ADGRV1: variants seen among roughly 807,000 people sequenced by gnomAD.
The protein encoded by ADGRV1 is adhesion G protein-coupled receptor V1.
A neutral mutation model predicts 596.2 loss-of-function variants in ADGRV1; 359 were observed. That is an observed-to-expected ratio of 0.60 (90% CI 0.55 to 0.66). The LOEUF is 0.66. Among genes scored for constraint, ADGRV1 ranks in the 30% least tolerant of loss-of-function variants. The probability of loss-of-function intolerance (pLI) is 0.00; values close to 1 mark genes in which losing one functional copy is unlikely to be tolerated. For synonymous variants in ADGRV1, 2,681 were observed against 2,679.2 expected, an observed-to-expected ratio of 1.00 and a Z score of -0.02; for missense variants, 7,274 against 7,575.6, an observed-to-expected ratio of 0.96 and a Z score of 1.48.
chr5:91,059,660 C>G (rs1787222238), intron 85 of ADGRV1, among the ~76,000 whole-genome samples: 1 of 152,170 alleles, frequency 6.6e-6, no homozygotes, highest in Non-Finnish European at 1.5e-5. Flanking sequence ...TCATTTCCCC[C>G]TCAATATTGG....
intron 50 of ADGRV1, among the ~76,000 whole-genome samples, chr5:90,742,738 G>T (rs1033875893): frequency 3.0e-4 from 46 of 152,196 alleles, no homozygotes; most frequent in African/African-American, 1.0e-3. Context: ...GTTGAAAGAT[G>T]AAGCTTGGAA....
In ADGRV1 at chr5:90,653,838, A is replaced by C; in HGVS notation, c.4264A>C (p.Ser1422Arg). 6.2e-7 allele frequency: 1 copy of C among 1,612,654 alleles called. No individual in the cohort carries two copies. Among genetic ancestry groups the C allele is most frequent in the Non-Finnish European group, 8.5e-7 (1 of 1,179,300 alleles). Reference protein sequence around the residue: ...KTTVMKYLEESVWLHLLIILE... With the variant: ...KTTVMKYLEERVWLHLLIILE... ...AACAGTCATGAAATATTTAGAAGAA[A>C]GTGTTTGGCTTCATCTACTAATTAT... Residue 1422 changes from serine (S) to arginine (R), a missense_variant, in exon 20 of 90, where the codon AGT becomes CGT. By Grantham distance (110) the Ser-to-Arg change is moderately radical. Coordinates refer to ENST00000405460, the MANE Select transcript of ADGRV1 (RefSeq NM_032119.4).
At chr5:90,704,601 T>G in intron 36 of ADGRV1, 113 bp downstream of exon 36, 1 of 616,412 alleles carries the variant, frequency 1.6e-6, no homozygotes. Flanking sequence ...AAATGTTACT[T>G]TATTATGTGT....
chr5:91,084,523 A>T (rs1385513615), intron 86 of ADGRV1, among the ~76,000 whole-genome samples: 1 of 152,264 alleles, frequency 6.6e-6, no homozygotes, highest in South Asian at 2.1e-4. Context: ...TCAAAACCAC[A>T]GTGAAATACC....
At chr5:90,923,932 C>T (rs539973160) in intron 83 of ADGRV1, among the ~76,000 whole-genome samples, 11 of 152,072 alleles carry the variant, frequency 7.2e-5, no homozygotes, top group Non-Finnish European at 1.3e-4. Flanking sequence ...TTTCCAATTT[C>T]ATCCATGTCC....
At chr5:90,619,844 A>G (rs1414547086) in intron 4 of ADGRV1, among the ~76,000 whole-genome samples, 1 of 149,312 alleles carries the variant, frequency 6.7e-6, no homozygotes, top group Non-Finnish European at 1.5e-5. Flanking sequence ...GAGTGAGAAC[A>G]TGCGGTGTTT....
intron 1 of ADGRV1, among the ~76,000 whole-genome samples, chr5:90,585,328 T>C (rs926103665): frequency 5.3e-5 from 8 of 152,228 alleles, no homozygotes; most frequent in African/African-American, 1.9e-4. Flanking sequence ...CCCCTGTCCC[T>C]CTGCCCCTCA....
intron 87 of ADGRV1, among the ~76,000 whole-genome samples, chr5:91,127,113 T>C (rs1055705445): frequency 6.6e-6 from 1 of 152,182 alleles, no homozygotes; most frequent in African/African-American, 2.4e-5. Context: ...AGACTCTTTG[T>C]AATCTGCCTT....
chr5:90,621,038 G>A (rs954856202), intron 4 of ADGRV1, among the ~76,000 whole-genome samples: 36 of 152,106 alleles, frequency 2.4e-4, no homozygotes, highest in African/African-American at 8.5e-4. Flanking sequence ...TGATCAGAGA[G>A]TTTTATCTTT....
intron 52 of ADGRV1, among the ~76,000 whole-genome samples, chr5:90,748,489 G>A (rs921176321): frequency 8.6e-5 from 13 of 151,934 alleles, no homozygotes; most frequent in South Asian, 2.1e-4. Flanking sequence ...ATTTTAGTGC[G>A]CATTTTACAC....
At chr5:91,061,200 G>T (rs190828707) in intron 85 of ADGRV1, among the ~76,000 whole-genome samples, 178 of 152,298 alleles carry the variant, frequency 1.2e-3, no homozygotes, top group African/African-American at 4.0e-3. Context: ...TTTTATGAGA[G>T]AACATAGAGC....
At chr5:90,708,369 G>T (rs913912914) in intron 38 of ADGRV1, among the ~76,000 whole-genome samples, 1 of 151,254 alleles carries the variant, frequency 6.6e-6, no homozygotes, top group African/African-American at 2.4e-5. Flanking sequence ...AGAATTGGGA[G>T]TTCTAAAATT....
At position 90,721,557 on chromosome 5, in the gene ADGRV1, AAAAT is replaced by A. The variant is rs1473837039; in HGVS notation, c.9748+502_9748+505del. Among the ~76,000 whole-genome samples the A allele has an allele frequency of 7.5e-3, 163 of 21,868 alleles. 14 individuals carry two copies. In the East Asian group the frequency reaches 0.48, roughly 64 times the overall value. 14.3% of individuals were successfully genotyped at this position (21,868 alleles called of 152,430 possible). ...AAAATAAAATAAAATAAAATAAAAT[AAAAT>A]AAAATAAAATAAAATAAAATAAAAT... On this transcript the variant is annotated intron_variant, in intron 45 of 89. Transcript: ENST00000405460.
intron 70 of ADGRV1, among the ~76,000 whole-genome samples, chr5:90,794,901 C>T (rs1001638375): frequency 2.0e-5 from 3 of 151,066 alleles, no homozygotes; most frequent in East Asian, 4.3e-4. Flanking sequence ...TGCCCCTACC[C>T]AAGGGAAGCC....
intron 88 of ADGRV1, among the ~76,000 whole-genome samples, chr5:91,152,832 A>G (rs1796169904): frequency 1.3e-5 from 2 of 152,078 alleles, no homozygotes; most frequent in Admixed American, 1.3e-4. Context: ...ATACCCAGCT[A>G]ATTTTTTACA....
At chr5:91,007,794 C>T (rs1782401861) in intron 85 of ADGRV1, among the ~76,000 whole-genome samples, 1 of 152,140 alleles carries the variant, frequency 6.6e-6, no homozygotes, top group Non-Finnish European at 1.5e-5. Flanking sequence ...CTTCAGATCA[C>T]CAGAATTACC....
At chr5:90,769,373 C>T (rs1163588363) in intron 59 of ADGRV1, among the ~76,000 whole-genome samples, 1 of 152,166 alleles carries the variant, frequency 6.6e-6, no homozygotes. Context: ...TTATGTCTTT[C>T]CTCTCTTGTC....
chr5:90,762,143 A>G (rs977529451), intron 58 of ADGRV1, among the ~76,000 whole-genome samples: 25 of 152,162 alleles, frequency 1.6e-4, no homozygotes, highest in African/African-American at 5.8e-4. Context: ...TGAAACCTAA[A>G]CTAAAATGTT....
At chr5:90,698,024 T>C (rs1747425816) in intron 34 of ADGRV1, among the ~76,000 whole-genome samples, 1 of 152,212 alleles carries the variant, frequency 6.6e-6, no homozygotes, top group Non-Finnish European at 1.5e-5. Flanking sequence ...TATTTTACTG[T>C]ATTACCTTTT....
Sources: gnomAD v4.1 joint callset for allele counts (sites outside exome capture counted in the v4.1 genomes callset) on GRCh38, gnomAD v4.1.1 for gene constraint, MANE v1.5 for transcripts, NCBI Gene and HGNC (gene_info 2026-07-23, HGNC 2026-07-21) for gene names.